DMBX1: variants seen among roughly 807,000 people sequenced by gnomAD.
The protein encoded by DMBX1 is diencephalon/mesencephalon homeobox protein 1.
In DMBX1, 7 loss-of-function variants were observed where a neutral mutation model predicts 30.4. The ratio of observed to expected loss-of-function variants is 0.23; its 90% CI spans 0.13 to 0.43. DMBX1 has a LOEUF of 0.43. DMBX1 is among the 20% of genes least tolerant of loss of function. DMBX1 has a pLI of 1.00. For synonymous variants in DMBX1, 222 were observed against 214.2 expected (o/e 1.04, Z -0.32); for missense variants, 460 against 508.5 (o/e 0.90, Z 0.92).
intron 2 of DMBX1, among the ~76,000 whole-genome samples, chr1:46,506,062 T>TAATTTTA (rs550645190): frequency 3.0e-5 from 4 of 135,302 alleles, no homozygotes; most frequent in Non-Finnish European, 4.7e-5. Context: ...TTCTTTTTTT[T>TAATTTTA]ATTTTTATTT....
chr1:46,507,120 A>G lies in DMBX1; in HGVS notation c.110A>G (p.Tyr37Cys), dbSNP rs1443891027. The G allele has an allele frequency of 1.2e-6, 2 of 1,614,204 alleles. No individual in the cohort carries two copies. Among genetic ancestry groups the G allele is most frequent in the South Asian group, 1.1e-5 (1 of 91,084 alleles). Residue 37 changes from tyrosine to cysteine, a missense_variant, in exon 3 of 6, where the codon TAC (tyrosine) becomes TGC (cysteine). Tyr to Cys is a radical substitution (Grantham distance 194). Coordinates refer to ENST00000360032, the MANE Select transcript of DMBX1 (RefSeq NM_172225.2). ...AAQQAQHAPDYRPSVHALTLA... is the reference protein window; with the variant it reads ...AAQQAQHAPDCRPSVHALTLA... ...CAGCAGGCCCAGCATGCCCCCGACT[A>G]CCGGCCTTCAGTGCATGCGCTTACA... is the stretch of plus-strand genomic sequence containing the variant.
rs769283010 is a variant in DMBX1, at chr1:46,510,579, G to A, written c.258G>A (p.Gln86=). The stretch of plus-strand genomic sequence containing the variant: ...TCGAGGCCCTGGAAAAGACCTTCCA[G>A]AAGACTCACTACCCAGATGTGGTGA... ...QQLEALEKTF[Q]KTHYPDVVMR... is the part of the protein sequence containing the mutation. Residue 86 remains glutamine, a synonymous_variant, in exon 4 of 6, where the codon CAG becomes CAA. Coordinates refer to ENST00000360032, the MANE Select transcript of DMBX1 (RefSeq NM_172225.2). The surrounding 1 kb of genome is among the most constrained non-coding windows in gnomAD (Gnocchi z 4.1). 23 of 1,614,172 alleles carry A rather than the reference G, an allele frequency of 1.4e-5. No homozygotes were observed. The highest frequency in any genetic ancestry group is 2.2e-5 in the East Asian group (1 of 44,884).
rs1207180629 is a variant in DMBX1, at chr1:46,506,951, G to A, written c.-12-48G>A. On this transcript the variant is annotated intron_variant, in intron 2 of 5. Transcript: ENST00000360032. ...CTGGGGGTGGGTCTCCCTGAGGGCA[G>A]AGTCTGATAGGCCTGCCTCATGGCC... The A allele has an allele frequency of 2.5e-6, 4 of 1,595,102 alleles. No individual in the cohort carries two copies. In the African/African-American group the frequency reaches 4.0e-5, roughly 16 times the overall value.
At chr1:46,511,414 G>A in intron 5 of DMBX1, 131 bp downstream of exon 5, 1 of 1,098,280 alleles carries the variant, frequency 9.1e-7, no homozygotes, top group Non-Finnish European at 1.2e-6. Flanking sequence ...CAGCAGGCCT[G>A]GGCCAGGTTT....
chr1:46,507,115 C>T lies in DMBX1; in HGVS notation c.105C>T (p.Pro35=), dbSNP rs752544681. 41 of 1,614,096 alleles carry T rather than the reference C, an allele frequency of 2.5e-5. 1 individual carries two copies. Among genetic ancestry groups the T allele is most frequent in the Admixed American group, 8.3e-5 (5 of 60,010 alleles). ...QQAAQQAQHA[P]DYRPSVHALT... Reference sequence around the variant, plus strand: ...CAGCCCAGCAGGCCCAGCATGCCCCCGACTACCGGCCTTCAGTGCATGCGC... The same window carrying T: ...CAGCCCAGCAGGCCCAGCATGCCCCTGACTACCGGCCTTCAGTGCATGCGC... The change falls in exon 3 of 6, where the codon CCC becomes CCT. Residue 35 remains proline, a synonymous_variant. Coordinates refer to ENST00000360032, the MANE Select transcript of DMBX1 (RefSeq NM_172225.2).
rs76493509 is a variant in DMBX1, at chr1:46,493,433, G to A, written c.-13+2650G>A. The stretch of plus-strand genomic sequence containing the variant: ...TCTCTTTCTATTTAGTCACCTGTCC[G>A]TTCTTCCAAGCTTATTTGACTCTGC... On this transcript the variant is annotated intron_variant, in intron 2 of 5. Transcript: ENST00000360032. This position sits in a 1 kb window ranked among gnomAD's most constrained non-coding sequence, Gnocchi z 4.1. Among the ~76,000 whole-genome samples, 6,543 of 152,236 alleles carry A rather than the reference G, an allele frequency of 0.043. 384 individuals carry two copies. The highest frequency in any genetic ancestry group is 0.23 in the East Asian group (1,204 of 5,170).
At chr1:46,499,369 T>G (rs1212396067) in intron 2 of DMBX1, among the ~76,000 whole-genome samples, 1 of 152,150 alleles carries the variant, frequency 6.6e-6, no homozygotes, top group Admixed American at 6.5e-5. Flanking sequence ...TCCTATTGCC[T>G]TGGACCAAAT....
intron 2 of DMBX1, among the ~76,000 whole-genome samples, chr1:46,505,252 A>G (rs1427304022): frequency 4.8e-5 from 7 of 146,464 alleles, no homozygotes; most frequent in South Asian, 4.7e-4. Context: ...ATTACTGGGT[A>G]TATACCCAAA....
chr1:46,496,262 A>C (rs1434876292), intron 2 of DMBX1, among the ~76,000 whole-genome samples: 1 of 152,214 alleles, frequency 6.6e-6, no homozygotes, highest in African/African-American at 2.4e-5. Flanking sequence ...GCTTGCTCTC[A>C]AACTGTGTGC....
chr1:46,512,817 C>G lies in DMBX1; in HGVS notation c.*323C>G, dbSNP rs1348338910. Reference sequence around the variant, plus strand: ...AGCACCTCCTCCCTTTTCTCCCTATCCTTCTGCCCCCTAGTAAGTCTACGT... The same window carrying G: ...AGCACCTCCTCCCTTTTCTCCCTATGCTTCTGCCCCCTAGTAAGTCTACGT... On this transcript the variant is annotated 3_prime_UTR_variant, in exon 6 of 6. Transcript: ENST00000360032. This position sits in a 1 kb window ranked among gnomAD's most constrained non-coding sequence, Gnocchi z 4.8. 1 of 353,142 alleles carries G rather than the reference C, an allele frequency of 2.8e-6. No homozygotes were observed. The highest frequency in any genetic ancestry group is 5.1e-6 in the Non-Finnish European group (1 of 194,440). The allele number at this position is 353,142 out of a possible 1,614,324, so 21.9% of individuals were successfully genotyped here.
chr1:46,504,014 C>T (rs568528663), intron 2 of DMBX1, among the ~76,000 whole-genome samples: 46 of 152,300 alleles, frequency 3.0e-4, no homozygotes, highest in African/African-American at 9.9e-4. Context: ...AACAATTGGC[C>T]GTGAAAGAAT....
At chr1:46,506,908 G>A in intron 2 of DMBX1, 91 bp from the exon 3 acceptor site, 1 of 1,438,688 alleles carries the variant, frequency 7.0e-7, no homozygotes, top group East Asian at 2.3e-5. Flanking sequence ...ATCAGAAGGT[G>A]GGCATCCAGG....
intron 2 of DMBX1, among the ~76,000 whole-genome samples, chr1:46,505,225 T>C (rs1432318687): frequency 6.9e-6 from 1 of 143,892 alleles, no homozygotes; most frequent in African/African-American, 2.6e-5. Flanking sequence ...AGAAATACCA[T>C]TTGACCCAGC....
At position 46,507,000 on chromosome 1, in the gene DMBX1, C is replaced by T. The variant is rs374500772; in HGVS notation, c.-11C>T. The T allele has an allele frequency of 1.5e-5, 25 of 1,613,692 alleles. No homozygotes were observed. The highest frequency in any genetic ancestry group is 5.0e-5 in the Admixed American group (3 of 60,000). On this transcript the variant is annotated splice_region_variant and 5_prime_UTR_variant, in exon 3 of 6. Coordinates refer to ENST00000360032, the MANE Select transcript of DMBX1 (RefSeq NM_172225.2). ...CCCCTCTCCCTTTTCCGTCTGTAGG[C>T]GGATGCCGCCATGCAGCACTACGGG... is the stretch of plus-strand genomic sequence containing the variant.
At chr1:46,501,224 T>TCCTTCCTTCCTG (rs1666124127) in intron 2 of DMBX1, among the ~76,000 whole-genome samples, 1 of 86,364 alleles carries the variant, frequency 1.2e-5, no homozygotes, top group Non-Finnish European at 2.5e-5. Flanking sequence ...CTTTCTTTCT[T>TCCTTCCTTCCTG]TCTTTCTTTC....
chr1:46,509,706 G>A (rs11211297), intron 3 of DMBX1, among the ~76,000 whole-genome samples: 4,044 of 152,212 alleles, frequency 0.027, 168 homozygotes, highest in African/African-American at 0.092. Flanking sequence ...ACCCACAGTG[G>A]TTGGAACCAG....
chr1:46,497,287 A>G (rs572818762), intron 2 of DMBX1, among the ~76,000 whole-genome samples: 1 of 152,188 alleles, frequency 6.6e-6, no homozygotes. Flanking sequence ...TTATTAGGTG[A>G]TATACCTAGA....
intron 2 of DMBX1, among the ~76,000 whole-genome samples, chr1:46,492,178 G>A (rs1172585382): frequency 6.6e-6 from 1 of 152,248 alleles, no homozygotes; most frequent in African/African-American, 2.4e-5. Context: ...CGAAGGACAA[G>A]CACTCGGGCC....
intron 5 of DMBX1, 60 bp downstream of exon 5, chr1:46,511,343 A>G: frequency 1.4e-6 from 2 of 1,437,838 alleles, no homozygotes; most frequent in Non-Finnish European, 1.8e-6. Flanking sequence ...CGTGTGAAGC[A>G]AGTCAGAGGC....
Sources: allele counts gnomAD v4.1 joint callset (sites outside exome capture counted in the v4.1 genomes callset), GRCh38; gene constraint gnomAD v4.1.1; non-coding constraint Gnocchi (gnomAD v3.1); transcripts MANE v1.5; gene names NCBI Gene and HGNC (gene_info 2026-07-23, HGNC 2026-07-21).